Variants in ABCG1 observed in about 807,000 individuals in gnomAD.
ABCG1 encodes ATP-binding cassette sub-family G member 1.
A neutral mutation model predicts 69.2 loss-of-function variants in ABCG1; 29 were observed. That is an observed-to-expected ratio of 0.42 (90% CI 0.31 to 0.57). The LOEUF is 0.57. Among genes scored for constraint, ABCG1 ranks in the 20% least tolerant of loss-of-function variants. The probability of loss-of-function intolerance (pLI) is 0.15; values close to 1 mark genes in which losing one functional copy is unlikely to be tolerated. For synonymous variants in ABCG1, 370 were observed against 374.8 expected (o/e 0.99, Z 0.15); for missense variants, 718 against 898.1 (o/e 0.80, Z 2.56).
chr21:42,255,263 G>A (rs2068283898), intron 2 of ABCG1, among the ~76,000 whole-genome samples: 1 of 152,230 alleles, frequency 6.6e-6, no homozygotes, highest in African/African-American at 2.4e-5. Context: ...GCGTGTGTGT[G>A]CACACAGGAT....
rs1209172621 is a variant in ABCG1, at chr21:42,273,535, A to C, written c.537+100A>C. On this transcript the variant is annotated intron_variant, in intron 4 of 14. Transcript: ENST00000398449. The surrounding 1 kb of genome is among the most constrained non-coding windows in gnomAD (Gnocchi z 5.3). ...CCGAGTGCCCAGCTGCGAGGGACCC[A>C]AGGGCTCTGCCACGCGGCCTGCACA... is the stretch of plus-strand genomic sequence containing the variant. The C allele has an allele frequency of 7.1e-7, 1 of 1,417,868 alleles. No individual in the cohort carries two copies. Among genetic ancestry groups the C allele is most frequent in the Non-Finnish European group, 9.5e-7 (1 of 1,053,568 alleles). 87.8% of individuals were successfully genotyped at this position (1,417,868 alleles called of 1,614,324 possible).
rs574089823 is a variant in ABCG1 at position 42,290,318 on chromosome 21, C to T, written c.1393+100C>T. 2,876 of 1,354,044 alleles carry T rather than the reference C, an allele frequency of 2.1e-3. 9 individuals carry two copies. The highest frequency in any genetic ancestry group is 2.6e-3 in the Non-Finnish European group (2,542 of 989,826). 83.9% of individuals were successfully genotyped at this position (1,354,044 alleles called of 1,614,324 possible). On this transcript the variant is annotated intron_variant, in intron 11 of 14. Transcript: ENST00000398449. The stretch of plus-strand genomic sequence containing the variant: ...TTGACCAACAGATGAGTTTTCTAAA[C>T]ACAATGTTTTTGTTTTTTTAAAATA...
chr21:42,284,854 C>T (rs1482062193), intron 7 of ABCG1, among the ~76,000 whole-genome samples, 171 bp downstream of exon 7: 2 of 150,742 alleles, frequency 1.3e-5, no homozygotes, highest in African/African-American at 5.0e-5. Context: ...CTTCATGACA[C>T]CAAACCCTGG....
At chr21:42,263,151 C>T (rs548256449) in intron 2 of ABCG1, among the ~76,000 whole-genome samples, 36 of 152,306 alleles carry the variant, frequency 2.4e-4, no homozygotes, top group African/African-American at 7.5e-4. Context: ...CCTTCTAGAC[C>T]GGAACCACCT....
At chr21:42,232,951 C>T (rs559975013) in intron 2 of ABCG1, among the ~76,000 whole-genome samples, 8 of 152,318 alleles carry the variant, frequency 5.3e-5, no homozygotes, top group African/African-American at 1.9e-4. Flanking sequence ...TCCTGAAGGA[C>T]TAAACCGTAA....
At chr21:42,260,620 C>A (rs2068391864) in intron 2 of ABCG1, among the ~76,000 whole-genome samples, 1 of 152,192 alleles carries the variant, frequency 6.6e-6, no homozygotes, top group African/African-American at 2.4e-5. Context: ...GGACTTCTTA[C>A]TTCCCCTCTC....
intron 2 of ABCG1, among the ~76,000 whole-genome samples, chr21:42,233,287 C>A (rs2067927471): frequency 6.6e-6 from 1 of 152,152 alleles, no homozygotes; most frequent in African/African-American, 2.4e-5. Context: ...TTACATCCAG[C>A]TGAGACCTAT....
upstream of ABCG1, among the ~76,000 whole-genome samples, chr21:42,215,410 C>A (rs1040021568): frequency 6.6e-6 from 1 of 152,152 alleles, no homozygotes; most frequent in Non-Finnish European, 1.5e-5. Context: ...AATGGGACAC[C>A]ATAGGGAAGG....
In ABCG1 at chr21:42,296,972, A is replaced by G. The variant is rs1411853297; in HGVS notation, c.*580A>G. 1 of 160,956 alleles carries G rather than the reference A, an allele frequency of 6.2e-6. No homozygotes were observed. Among genetic ancestry groups the G allele is most frequent in the Non-Finnish European group, 1.4e-5 (1 of 72,034 alleles). The allele number at this position is 160,956 out of a possible 1,614,324, so 10.0% of individuals were successfully genotyped here. On this transcript the variant is annotated 3_prime_UTR_variant, in exon 15 of 15. Coordinates refer to ENST00000398449, the MANE Select transcript of ABCG1 (RefSeq NM_016818.3). This position sits in a 1 kb window ranked among gnomAD's most constrained non-coding sequence, Gnocchi z 5.4. ...ATTATACCTTTTTAGTACTTGCTGA[A>G]GAATGATTCAGGGTAAATCACATAC...
At chr21:42,258,388 T>G (rs142478127) in intron 2 of ABCG1, among the ~76,000 whole-genome samples, 32 of 139,086 alleles carry the variant, frequency 2.3e-4, no homozygotes, top group African/African-American at 8.4e-4. Flanking sequence ...CATCTCTCCC[T>G]CCATCCTTCC....
intron 5 of ABCG1, among the ~76,000 whole-genome samples, chr21:42,281,496 G>T (rs190853093): frequency 6.6e-6 from 1 of 152,226 alleles, no homozygotes; most frequent in African/African-American, 2.4e-5. Context: ...GGAGGGCTCC[G>T]TGCGCAGTGC....
intron 2 of ABCG1, among the ~76,000 whole-genome samples, chr21:42,269,531 C>G (rs1435641300): frequency 6.6e-6 from 1 of 152,234 alleles, no homozygotes; most frequent in East Asian, 1.9e-4. Context: ...CTCTCCAGCC[C>G]CAGCCCTTTC....
At chr21:42,210,018 CGATGAAAGGGCT>C (rs11271747) in intron 2 of ABCG1, among the ~76,000 whole-genome samples, 3,861 of 152,240 alleles carry the variant, frequency 0.025, 163 homozygotes, top group African/African-American at 0.087. Flanking sequence ...GGGGCTCCAG[CGATGAAAGGGCT>C]GATGAAAGGG....
upstream of ABCG1, among the ~76,000 whole-genome samples, chr21:42,214,825 AT>A (rs1261048531): frequency 1.3e-5 from 2 of 152,192 alleles, no homozygotes; most frequent in African/African-American, 4.8e-5. Context: ...AGTTTCCAGA[AT>A]TTGGGGGAAA....
rs1451734940 is a variant in ABCG1, at chr21:42,291,816, G to A, written c.1653+160G>A. Among the ~76,000 whole-genome samples the A allele has an allele frequency of 6.6e-6, 1 of 152,210 alleles. No homozygotes were observed. Among genetic ancestry groups the A allele is most frequent in the Non-Finnish European group, 1.5e-5 (1 of 68,022 alleles). The stretch of plus-strand genomic sequence containing the variant: ...GAAGGGCCCGCATTGTCGAGGGTCA[G>A]GATCAGCTGGCTTCCACAGTGCGCA... On this transcript the variant is annotated intron_variant, in intron 13 of 14. Coordinates refer to ENST00000398449, the MANE Select transcript of ABCG1 (RefSeq NM_016818.3). The surrounding 1 kb of genome is among the most constrained non-coding windows in gnomAD (Gnocchi z 6.4).
chr21:42,224,887 C>A (rs553947836), intron 1 of ABCG1, among the ~76,000 whole-genome samples: 3 of 151,958 alleles, frequency 2.0e-5, no homozygotes, highest in Non-Finnish European at 4.4e-5. Flanking sequence ...GCTTTAAAAG[C>A]CAATGGTAGC....
chr21:42,259,995 G>A, intron 2 of ABCG1: 1 of 1,536,040 alleles, frequency 6.5e-7, no homozygotes, highest in Non-Finnish European at 8.8e-7. Flanking sequence ...TCAGGCCAGT[G>A]CGGCATCCTG....
rs764804648 is a variant in ABCG1 at position 42,287,936 on chromosome 21, G to C, written c.1021G>C (p.Val341Leu). 1.2e-6 allele frequency: 2 copies of C among 1,612,880 alleles called. No individual in the cohort carries two copies. Among genetic ancestry groups the C allele is most frequent in the Non-Finnish European group, 1.7e-6 (2 of 1,179,172 alleles). ...GTACGGTGATCAGAACAGTCGGCTG[G>C]TGAGAGCGGTTCGGGAGGGCATGTG... ...GEYGDQNSRL[V>L]RAVREGMCDS... The change falls in exon 9 of 15, where the codon GTG (valine) becomes CTG (leucine). Residue 341 changes from valine to leucine, a missense_variant. By Grantham distance (32) the Val-to-Leu change is conservative (BLOSUM62 1). Transcript: ENST00000398449. The surrounding 1 kb of genome is among the most constrained non-coding windows in gnomAD (Gnocchi z 6.2).
At chr21:42,248,483 C>T (rs1435895188) in intron 2 of ABCG1, among the ~76,000 whole-genome samples, 2 of 152,308 alleles carry the variant, frequency 1.3e-5, no homozygotes, top group Non-Finnish European at 1.5e-5. Flanking sequence ...GTTGAAGATA[C>T]GCACCCTCTG....
Sources: allele counts gnomAD v4.1 joint callset (sites outside exome capture counted in the v4.1 genomes callset), GRCh38; gene constraint gnomAD v4.1.1; non-coding constraint Gnocchi (gnomAD v3.1); transcripts MANE v1.5; gene names NCBI Gene and HGNC (gene_info 2026-07-23, HGNC 2026-07-21).